DSCAM: variants seen among roughly 807,000 people sequenced by gnomAD.
DSCAM encodes the protein cell adhesion molecule DSCAM.
DSCAM carries 47 observed loss-of-function variants against 217.7 expected under a neutral mutation model. That is an observed-to-expected ratio of 0.22 (90% CI 0.17 to 0.28). DSCAM has a LOEUF of 0.28. Ranked by LOEUF, DSCAM falls within the 10% of genes least tolerant of loss-of-function variation. The pLI, the probability that DSCAM is intolerant of heterozygous loss-of-function variation, is 1.00. For synonymous variants in DSCAM, 1,056 were observed against 1,015.3 expected (o/e 1.04, Z -0.76); for missense variants, 2,080 against 2,618.3 (o/e 0.79, Z 4.49).
intron 3 of DSCAM, among the ~76,000 whole-genome samples, chr21:40,637,730 T>A (rs2146335241): frequency 6.9e-6 from 1 of 145,412 alleles, no homozygotes; most frequent in Middle Eastern, 3.5e-3. Context: ...TGGAGTGCAA[T>A]GGCATGATGT....
chr21:40,237,660 T>G (rs2073097398), intron 11 of DSCAM, among the ~76,000 whole-genome samples: 1 of 152,234 alleles, frequency 6.6e-6, no homozygotes, highest in South Asian at 2.1e-4. Flanking sequence ...TTGTGAACAG[T>G]GCTGCAATAA....
chr21:40,254,692 T>G (rs2073348157), intron 11 of DSCAM, among the ~76,000 whole-genome samples: 1 of 152,140 alleles, frequency 6.6e-6, no homozygotes, highest in Admixed American at 6.5e-5. Flanking sequence ...TGGGCCCTGC[T>G]TGCATCTGCA....
At chr21:40,197,925 T>C (rs2091030945) in intron 11 of DSCAM, among the ~76,000 whole-genome samples, 1 of 152,130 alleles carries the variant, frequency 6.6e-6, no homozygotes, top group Non-Finnish European at 1.5e-5. Flanking sequence ...CTCTTTCCCT[T>C]ATAGTAGCGG....
chr21:40,542,039 A>T (rs191689417), intron 3 of DSCAM, among the ~76,000 whole-genome samples: 27 of 152,328 alleles, frequency 1.8e-4, no homozygotes, highest in Admixed American at 1.8e-3. Flanking sequence ...GAGAAAAAGA[A>T]ATAGGAACTC....
intron 11 of DSCAM, among the ~76,000 whole-genome samples, chr21:40,218,234 A>G (rs2091260921): frequency 6.6e-6 from 1 of 152,036 alleles, no homozygotes; most frequent in African/African-American, 2.4e-5. Flanking sequence ...TCCTAGCACC[A>G]TTTCTTGAAT....
intron 3 of DSCAM, among the ~76,000 whole-genome samples, chr21:40,607,889 C>T (rs2089262916): frequency 6.6e-6 from 1 of 152,156 alleles, no homozygotes; most frequent in Non-Finnish European, 1.5e-5. Flanking sequence ...TTAGAATATT[C>T]CCACATTGAG....
intron 1 of DSCAM, among the ~76,000 whole-genome samples, chr21:40,756,402 TTTTG>T (rs1347528429): frequency 1.3e-5 from 2 of 152,212 alleles, no homozygotes; most frequent in Non-Finnish European, 2.9e-5. Flanking sequence ...GTCTCTTTTT[TTTTG>T]TTTGAGTTAG....
At chr21:40,074,045 A>G (rs1348397580) in intron 27 of DSCAM, among the ~76,000 whole-genome samples, 1 of 152,250 alleles carries the variant, frequency 6.6e-6, no homozygotes, top group African/African-American at 2.4e-5. Context: ...GGTGCTTTGG[A>G]TAAGTGAAGA....
intron 20 of DSCAM, among the ~76,000 whole-genome samples, chr21:40,118,351 C>T (rs577721836): frequency 4.1e-4 from 62 of 151,982 alleles, no homozygotes; most frequent in South Asian, 1.9e-3. Flanking sequence ...ATTGGGAGGC[C>T]GAGGCAGGCC....
At chr21:40,761,316 A>T (rs112124600) in intron 1 of DSCAM, among the ~76,000 whole-genome samples, 94 of 152,248 alleles carry the variant, frequency 6.2e-4, no homozygotes, top group African/African-American at 2.1e-3. Flanking sequence ...TCTAGAATCT[A>T]CATGTATTTC....
At chr21:40,126,246 GAAGA>G (rs1893175537) in intron 19 of DSCAM, among the ~76,000 whole-genome samples, 1 of 150,828 alleles carries the variant, frequency 6.6e-6, no homozygotes. Flanking sequence ...GGGAAGGAAG[GAAGA>G]AAGGAAAGAG....
In DSCAM at chr21:40,167,082, A is replaced by C. The variant is rs2090603252; in HGVS notation, c.3018+136T>G. 5 of 705,618 alleles carry C rather than the reference A, an allele frequency of 7.1e-6. No individual in the cohort carries two copies. The Admixed American group carries it at 1.5e-4, about 22-fold the overall frequency. 43.7% of individuals were successfully genotyped at this position (705,618 alleles called of 1,614,324 possible). A position where few individuals can be genotyped will look rare whatever the true frequency, so the allele number is the denominator to read the frequency against. ...TGGATACAAATACTGCATTTTAAGA[A>C]AAGGGCTTTCAACTTAATTTTGAAA... On this transcript the variant is annotated intron_variant, in intron 16 of 32. Coordinates refer to ENST00000400454, the MANE Select transcript of DSCAM (RefSeq NM_001389.5).
intron 3 of DSCAM, among the ~76,000 whole-genome samples, chr21:40,563,748 A>ATATGTGTGTATATAGT (rs2076743078): frequency 1.4e-5 from 2 of 139,790 alleles, no homozygotes; most frequent in Non-Finnish European, 3.1e-5. Flanking sequence ...ATATATAGTT[A>ATATGTGTGTATATAGT]TATGTTTATA....
chr21:40,251,257 AT>A (rs1271962988), intron 11 of DSCAM, among the ~76,000 whole-genome samples: 3 of 152,248 alleles, frequency 2.0e-5, no homozygotes, highest in Non-Finnish European at 2.9e-5. Flanking sequence ...ACAGAAAAAA[AT>A]CAACACATAT....
intron 3 of DSCAM, among the ~76,000 whole-genome samples, chr21:40,485,329 G>T (rs1001148456): frequency 2.1e-5 from 3 of 142,254 alleles, no homozygotes; most frequent in African/African-American, 7.9e-5. Context: ...TGCAAGCTCC[G>T]CCTCCCAGGT....
chr21:40,790,905 A>C (rs1271532567), intron 1 of DSCAM, among the ~76,000 whole-genome samples: 1 of 152,116 alleles, frequency 6.6e-6, no homozygotes, highest in East Asian at 1.9e-4. Flanking sequence ...GGCCAGGTGC[A>C]GTGGCTCATG....
chr21:40,774,236 A>C (rs2091469776), intron 1 of DSCAM, among the ~76,000 whole-genome samples: 1 of 152,246 alleles, frequency 6.6e-6, no homozygotes, highest in South Asian at 2.1e-4. Context: ...GTGAAAGAGC[A>C]TAGAAGTGAT....
At chr21:40,335,562 T>G (rs2074421834) in intron 8 of DSCAM, among the ~76,000 whole-genome samples, 2 of 152,144 alleles carry the variant, frequency 1.3e-5, no homozygotes, top group Admixed American at 1.3e-4. Flanking sequence ...CTCCTAAAAA[T>G]TACATTAAAG....
intron 1 of DSCAM, among the ~76,000 whole-genome samples, chr21:40,836,266 G>C (rs981337036): frequency 3.9e-5 from 6 of 152,172 alleles, no homozygotes; most frequent in Non-Finnish European, 7.3e-5. Flanking sequence ...TCGAAGAAGG[G>C]ACCAATGTGA....
Sources: gnomAD v4.1 joint callset for allele counts (sites outside exome capture counted in the v4.1 genomes callset) on GRCh38, gnomAD v4.1.1 for gene constraint, MANE v1.5 for transcripts, NCBI Gene and HGNC (gene_info 2026-07-23, HGNC 2026-07-21) for gene names.